The following ZNF652 variants were observed in gnomAD, a reference collection of about 807,000 sequenced individuals.
The protein encoded by ZNF652 is zinc finger protein 652.
ZNF652 carries 16 observed loss-of-function variants against 45.2 expected under a neutral mutation model. That is an observed-to-expected ratio of 0.35 (90% confidence interval 0.24 to 0.54). The LOEUF (loss-of-function observed/expected upper bound fraction) is 0.54. Ranked by LOEUF, ZNF652 falls within the 20% of genes least tolerant of loss-of-function variation. The pLI is 0.91. For missense variants in ZNF652, 614 were observed against 765.6 expected (o/e 0.80, Z 2.34); for synonymous variants, 250 against 260.6 (o/e 0.96, Z 0.39).
chr17:49,312,543 C>T (rs1598291756), intron 3 of ZNF652, among the ~76,000 whole-genome samples, 155 bp downstream of exon 3: 1 of 152,050 alleles, frequency 6.6e-6, no homozygotes, highest in East Asian at 1.9e-4. Flanking sequence ...CTATACCATC[C>T]AATTTGGTGA....
In ZNF652 at chr17:49,350,196, A is replaced by C. The variant is rs778924853; in HGVS notation, c.-259+11713T>G. Among the ~76,000 whole-genome samples the C allele has an allele frequency of 2.6e-5, 4 of 152,070 alleles. No individual in the cohort carries two copies. The East Asian group carries it at 7.7e-4, about 29-fold the overall frequency. ...GAGGAGTTTATGAGTACAGAGTTGCACTCTACTTGTAACTTTTCTGTAAAT... is the reference window on the plus strand; with the variant it reads ...GAGGAGTTTATGAGTACAGAGTTGCCCTCTACTTGTAACTTTTCTGTAAAT... On this transcript the variant is annotated intron_variant, in intron 1 of 5. Transcript: ENST00000430262.
At chr17:49,351,014 T>TATATATATATACAC (rs2070273379) in intron 1 of ZNF652, among the ~76,000 whole-genome samples, 1 of 29,720 alleles carries the variant, frequency 3.4e-5, no homozygotes, top group Non-Finnish European at 7.5e-5. Context: ...TATATATATA[T>TATATATATATACAC]ACACACACAC....
At position 49,311,973 on chromosome 17, in the gene ZNF652, T is replaced by C; in HGVS notation, c.1118A>G (p.Lys373Arg). ...TCCAGAATGCTGCAAGGAGTGCACCTTGAGTGACATACTGCGTTTGAATGA... is the reference window on the plus strand; with the variant it reads ...TCCAGAATGCTGCAAGGAGTGCACCCTGAGTGACATACTGCGTTTGAATGA... Reference protein sequence around the residue: ...GKSFKRSMSLKVHSLQHSGEK... With the variant: ...GKSFKRSMSLRVHSLQHSGEK... The change falls in exon 4 of 6, where the codon AAG becomes AGG. Residue 373 changes from lysine (K) to arginine (R), a missense_variant. Physicochemically the swap from Lys to Arg is conservative, Grantham distance 26. This residue lies in a region of ZNF652 where 262 missense variants were observed against 306.3 expected (regional missense o/e 0.86). Transcript: ENST00000430262. 4 of 1,613,984 alleles carry C rather than the reference T, an allele frequency of 2.5e-6. No individual in the cohort carries two copies. The highest frequency in any genetic ancestry group is 3.4e-6 in the Non-Finnish European group (4 of 1,179,914).
At chr17:49,331,751 A>C (rs1439027118) in intron 1 of ZNF652, among the ~76,000 whole-genome samples, 1 of 152,232 alleles carries the variant, frequency 6.6e-6, no homozygotes, top group Non-Finnish European at 1.5e-5. Context: ...AAAAAGACAA[A>C]GGAGTGTTAT....
chr17:49,354,269 G>C (rs1317046812), intron 1 of ZNF652, among the ~76,000 whole-genome samples: 1 of 151,820 alleles, frequency 6.6e-6, no homozygotes, highest in Non-Finnish European at 1.5e-5. Context: ...CACACATTAA[G>C]ATCACAAAAA....
At chr17:49,334,651 C>A (rs1222236787) in intron 1 of ZNF652, among the ~76,000 whole-genome samples, 1 of 152,022 alleles carries the variant, frequency 6.6e-6, no homozygotes, top group Non-Finnish European at 1.5e-5. Flanking sequence ...TGGTGGCATG[C>A]ACCTGTGGTT....
At chr17:49,351,311 C>A (rs906221320) in intron 1 of ZNF652, among the ~76,000 whole-genome samples, 3 of 151,756 alleles carry the variant, frequency 2.0e-5, no homozygotes, top group African/African-American at 7.3e-5. Flanking sequence ...ATTTTCCTAA[C>A]CGTGAAACGT....
chr17:49,351,282 A>G (rs2070280525), intron 1 of ZNF652, among the ~76,000 whole-genome samples: 1 of 151,886 alleles, frequency 6.6e-6, no homozygotes, highest in Admixed American at 6.6e-5. Context: ...AGATCATAAC[A>G]CTATGGGAAT....
At position 49,295,410 on chromosome 17, in the gene ZNF652, TAAAAA is replaced by T. The variant is rs2069459186; in HGVS notation, c.*2998_*3002del. On this transcript the variant is annotated 3_prime_UTR_variant, in exon 6 of 6. Coordinates refer to ENST00000430262, the MANE Select transcript of ZNF652 (RefSeq NM_001145365.3). Reference sequence around the variant, plus strand: ...TGTACTGTATGACAATGCTAATTTTTAAAAATAATATATATATATATTTTTGTTTC... The same window carrying T: ...TGTACTGTATGACAATGCTAATTTTTTAATATATATATATATTTTTGTTTC... 4 of 136,906 alleles carry T rather than the reference TAAAAA, an allele frequency of 2.9e-5. No homozygotes were observed. Among genetic ancestry groups the T allele is most frequent in the Non-Finnish European group, 3.3e-5 (2 of 60,446 alleles). 8.5% of individuals were successfully genotyped at this position (136,906 alleles called of 1,614,324 possible). A position where few individuals can be genotyped will look rare whatever the true frequency, so the allele number is the denominator to read the frequency against.
rs958020373 is a variant in ZNF652, at chr17:49,354,451, G to A, written c.-259+7458C>T. ...GATAATTTGGCTTTAGCCACCAGCA[G>A]ACTATAAATAACTTATTTTTAAAAA... On this transcript the variant is annotated intron_variant, in intron 1 of 5. Coordinates refer to ENST00000430262, the MANE Select transcript of ZNF652 (RefSeq NM_001145365.3). 1.3e-4 allele frequency among the ~76,000 whole-genome samples: 19 copies of A among 151,802 alleles called. No homozygotes were observed. In the East Asian group the frequency reaches 3.3e-3, roughly 26 times the overall value.
rs1229872532 is a variant in ZNF652 at position 49,296,311 on chromosome 17, T to C, written c.*2102A>G. 6.6e-6 allele frequency: 1 copy of C among 152,630 alleles called. No individual in the cohort carries two copies. The highest frequency in any genetic ancestry group is 1.5e-5 in the Non-Finnish European group (1 of 68,044). The allele number at this position is 152,630 out of a possible 1,614,324, so 9.5% of individuals were successfully genotyped here. A position where few individuals can be genotyped will look rare whatever the true frequency, so the allele number is the denominator to read the frequency against. On this transcript the variant is annotated 3_prime_UTR_variant, in exon 6 of 6. Coordinates refer to ENST00000430262, the MANE Select transcript of ZNF652 (RefSeq NM_001145365.3). ...TTCCAAAATTTTCCTATGCTCATTA[T>C]ATAAGACAGGCAAAATCAGAAGGAG... is the stretch of plus-strand genomic sequence containing the variant.
chr17:49,353,671 G>A (rs767096625), intron 1 of ZNF652, among the ~76,000 whole-genome samples: 2 of 152,162 alleles, frequency 1.3e-5, no homozygotes, highest in African/African-American at 4.8e-5. Context: ...AATTCTAACA[G>A]ATTGCCTCAC....
At chr17:49,321,036 C>T (rs538250920) in intron 1 of ZNF652, among the ~76,000 whole-genome samples, 32 of 149,940 alleles carry the variant, frequency 2.1e-4, no homozygotes, top group African/African-American at 6.3e-4. Flanking sequence ...TTTAAAACCA[C>T]GCCCACAACT....
chr17:49,313,954 A>C (rs1212054740), intron 2 of ZNF652, among the ~76,000 whole-genome samples: 4 of 119,344 alleles, frequency 3.4e-5, no homozygotes, highest in African/African-American at 1.3e-4. Flanking sequence ...CCTGGGCAAC[A>C]AAGAGCGAAA....
At chr17:49,355,198 T>C (rs1305699152) in intron 1 of ZNF652, among the ~76,000 whole-genome samples, 1 of 152,100 alleles carries the variant, frequency 6.6e-6, no homozygotes, top group Non-Finnish European at 1.5e-5. Flanking sequence ...AGTTTAAATA[T>C]ATGTTACTTA....
At chr17:49,310,172 C>T (rs1364882748) in intron 5 of ZNF652, among the ~76,000 whole-genome samples, 2 of 152,180 alleles carry the variant, frequency 1.3e-5, no homozygotes, top group Non-Finnish European at 2.9e-5. Flanking sequence ...CCAGGATGGT[C>T]TCGATCTCCT....
intron 5 of ZNF652, 40 bp from the exon 6 acceptor site, chr17:49,298,964 G>T: frequency 6.5e-7 from 1 of 1,542,670 alleles, no homozygotes; most frequent in Non-Finnish European, 8.7e-7. Flanking sequence ...AACATATTAG[G>T]TGGTAATTGT....
chr17:49,327,180 C>T (rs554231020), intron 1 of ZNF652, among the ~76,000 whole-genome samples: 131 of 152,060 alleles, frequency 8.6e-4, no homozygotes, highest in Non-Finnish European at 1.2e-3. Context: ...TATTTTTTCA[C>T]GAGACGGAGT....
intron 5 of ZNF652, among the ~76,000 whole-genome samples, chr17:49,310,353 C>T (rs2069692904): frequency 6.6e-6 from 1 of 152,160 alleles, no homozygotes; most frequent in South Asian, 2.1e-4. Flanking sequence ...TCATCCTGTT[C>T]AATTTATGCA....
Sources: allele counts gnomAD v4.1 joint callset (sites outside exome capture counted in the v4.1 genomes callset), GRCh38; gene constraint gnomAD v4.1.1; regional missense constraint gnomAD v4.1.1; transcripts MANE v1.5; gene names NCBI Gene and HGNC (gene_info 2026-07-23, HGNC 2026-07-21).